The following SND1 variants were observed in gnomAD, a reference collection of about 807,000 sequenced individuals.
SND1 encodes staphylococcal nuclease and tudor domain containing 1.
In SND1, 38 loss-of-function variants were observed where a neutral mutation model predicts 121.7. The observed-to-expected ratio is 0.31, with a 90% CI of 0.24 to 0.41. The LOEUF is 0.41. SND1 is among the 10% of genes least tolerant of loss of function. The pLI, the probability that SND1 is intolerant of heterozygous loss-of-function variation, is 1.00. For missense variants in SND1, 868 were observed against 1,184.6 expected, an observed-to-expected ratio of 0.73 and a Z score of 3.92; for synonymous variants, 401 against 447.4, an observed-to-expected ratio of 0.90 and a Z score of 1.31.
chr7:127,816,885 T>G (rs1285182164), intron 11 of SND1, among the ~76,000 whole-genome samples: 2 of 152,060 alleles, frequency 1.3e-5, no homozygotes, highest in African/African-American at 4.8e-5. Context: ...GGTCTCGAAC[T>G]CCCAATCTCA....
chr7:127,734,932 G>A (rs887127456), intron 10 of SND1, among the ~76,000 whole-genome samples: 20 of 152,194 alleles, frequency 1.3e-4, no homozygotes, highest in African/African-American at 4.8e-4. Context: ...CTGCCAGACA[G>A]ACCAGAATAT....
At chr7:128,055,752 A>G (rs1793131700) in intron 16 of SND1, among the ~76,000 whole-genome samples, 1 of 152,184 alleles carries the variant, frequency 6.6e-6, no homozygotes, top group Non-Finnish European at 1.5e-5. Flanking sequence ...GCCCAAGAGC[A>G]GAGCAACCAG....
At chr7:127,891,080 A>C (rs762817477) in intron 13 of SND1, among the ~76,000 whole-genome samples, 2 of 152,140 alleles carry the variant, frequency 1.3e-5, no homozygotes, top group African/African-American at 2.4e-5. Context: ...CCAGGACTCT[A>C]AGCCTGGTGC....
intron 9 of SND1, among the ~76,000 whole-genome samples, chr7:127,719,009 TGGA>T (rs1425322007): frequency 6.6e-6 from 1 of 152,158 alleles, no homozygotes; most frequent in African/African-American, 2.4e-5. Flanking sequence ...GGTATCTGTT[TGGA>T]GGAGGAGTGG....
At chr7:127,836,263 T>C (rs1396642932) in intron 11 of SND1, among the ~76,000 whole-genome samples, 2 of 152,208 alleles carry the variant, frequency 1.3e-5, no homozygotes, top group Non-Finnish European at 2.9e-5. Flanking sequence ...AATGTGTTTA[T>C]AAAGGTTTAT....
intron 1 of SND1, among the ~76,000 whole-genome samples, chr7:127,674,887 T>A (rs921152885): frequency 1.4e-4 from 21 of 148,968 alleles, no homozygotes; most frequent in African/African-American, 5.1e-4. Flanking sequence ...TTTTCTGTGA[T>A]GTATTTAGTG....
intron 2 of SND1, among the ~76,000 whole-genome samples, chr7:127,688,346 C>T (rs568905516): frequency 2.6e-5 from 4 of 152,016 alleles, no homozygotes; most frequent in Non-Finnish European, 5.9e-5. Context: ...ATTGTTTAGT[C>T]TTTTTGGCTT....
chr7:127,884,017 A>G (rs567677448), intron 12 of SND1, among the ~76,000 whole-genome samples: 1 of 152,236 alleles, frequency 6.6e-6, no homozygotes, highest in South Asian at 2.1e-4. Context: ...CATAGTTTTC[A>G]CCTCTCATTA....
intron 14 of SND1, among the ~76,000 whole-genome samples, chr7:127,925,032 A>G (rs1800801794): frequency 6.6e-6 from 1 of 151,680 alleles, no homozygotes; most frequent in Non-Finnish European, 1.5e-5. Flanking sequence ...ATAGATACTA[A>G]CATCCTTTGA....
intron 15 of SND1, among the ~76,000 whole-genome samples, chr7:127,990,745 G>A (rs1802503419): frequency 6.6e-6 from 1 of 152,216 alleles, no homozygotes; most frequent in African/African-American, 2.4e-5. Context: ...TGGTGCTGCT[G>A]TGATAGTGTT....
intron 11 of SND1, among the ~76,000 whole-genome samples, chr7:127,835,111 AAATGT>A (rs138295054): frequency 0.017 from 2,584 of 152,310 alleles, 93 homozygotes; most frequent in African/African-American, 0.059. Context: ...TAGACAGAGC[AAATGT>A]AATGTAACCT....
chr7:127,929,106 A>G (rs1800908713), intron 14 of SND1, 82 bp from the exon 15 acceptor site: 9 of 1,456,262 alleles, frequency 6.2e-6, no homozygotes, highest in Non-Finnish European at 8.5e-6. Context: ...GCTTCCTGCC[A>G]AACTTTTTGT....
intron 16 of SND1, chr7:128,030,101 C>T (rs1240184246): frequency 6.2e-7 from 1 of 1,613,812 alleles, no homozygotes; most frequent in Non-Finnish European, 8.5e-7. Context: ...GCTTCTTGAG[C>T]TCCCCCAAGT....
chr7:127,998,264 A>G (rs1802725278), intron 16 of SND1: 2 of 268,918 alleles, frequency 7.4e-6, no homozygotes, highest in Admixed American at 4.7e-5. Flanking sequence ...TTAAGACTGG[A>G]CACATGGCTG....
At chr7:128,019,478 G>A (rs562123536) in intron 16 of SND1, among the ~76,000 whole-genome samples, 3 of 152,174 alleles carry the variant, frequency 2.0e-5, no homozygotes, top group South Asian at 2.1e-4. Flanking sequence ...GGAGGGGACC[G>A]GTCTCTAGGG....
intron 16 of SND1, among the ~76,000 whole-genome samples, chr7:128,055,993 T>C (rs1793135793): frequency 6.6e-6 from 1 of 152,220 alleles, no homozygotes; most frequent in Admixed American, 6.5e-5. Context: ...GCCTCTCCAT[T>C]GATCAAATGA....
rs1797106220 is a variant in SND1 at position 127,752,032 on chromosome 7, A to G, written c.1152+30632A>G. Among the ~76,000 whole-genome samples the G allele has an allele frequency of 5.3e-5, 8 of 152,302 alleles. No individual in the cohort carries two copies. The South Asian group carries it at 1.7e-3, about 32-fold the overall frequency. On this transcript the variant is annotated intron_variant, in intron 10 of 23. Coordinates refer to ENST00000354725, the MANE Select transcript of SND1 (RefSeq NM_014390.4). ...TTGCTGCTCTGTGAATATCTGATCGATGGGGCCAGTTGGCTGGGATCCAGC... is the reference window on the plus strand; with the variant it reads ...TTGCTGCTCTGTGAATATCTGATCGGTGGGGCCAGTTGGCTGGGATCCAGC...
At chr7:127,946,814 C>T (rs1166060496) in intron 15 of SND1, among the ~76,000 whole-genome samples, 1 of 152,154 alleles carries the variant, frequency 6.6e-6, no homozygotes, top group African/African-American at 2.4e-5. Context: ...TATAATTTTA[C>T]ACTTACAGAA....
intron 18 of SND1, chr7:128,081,774 C>G (rs1793606460): frequency 3.2e-6 from 2 of 623,972 alleles, no homozygotes; most frequent in Non-Finnish European, 3.1e-6. Flanking sequence ...GTGAGATAAC[C>G]AGGTTTATCT....
Sources: gnomAD v4.1 joint callset for allele counts (sites outside exome capture counted in the v4.1 genomes callset) on GRCh38, gnomAD v4.1.1 for gene constraint, MANE v1.5 for transcripts, NCBI Gene and HGNC (gene_info 2026-07-23, HGNC 2026-07-21) for gene names.